Variants in OR10AD1 observed in about 807,000 individuals in gnomAD.
OR10AD1 encodes olfactory receptor family 10 subfamily AD member 1.
For missense variants in OR10AD1, 309 were observed against 192.7 expected, an observed-to-expected ratio of 1.60 and a Z score of -3.57; for synonymous variants, 115 against 72.2, an observed-to-expected ratio of 1.59 and a Z score of -3.00.
Position 48,203,130 on chromosome 12 carries a change from T to TG in OR10AD1, c.162dup (p.Lys55GlnfsTer68), listed in dbSNP as rs1305164964. 1.3e-6 allele frequency: 1 copy of TG among 780,920 alleles called. No homozygotes were observed. Among genetic ancestry groups the TG allele is most frequent in the Non-Finnish European group, 2.4e-6 (1 of 418,088 alleles). 48.4% of individuals were successfully genotyped at this position (780,920 alleles called of 1,614,324 possible). Reference sequence around the variant, plus strand: ...AAGAAGTACATGGGGCTGTTGAGCTTGGGGTCTGTCCAGGAGGTGATAAAG... The same window carrying TG: ...AAGAAGTACATGGGGCTGTTGAGCTTGGGGGTCTGTCCAGGAGGTGATAAAG... On this transcript the variant is annotated frameshift_variant, in exon 1 of 1. Transcript: ENST00000310248. LOFTEE classifies it low-confidence loss of function (END_TRUNC).
rs770959049 is a variant in OR10AD1, at chr12:48,202,702, C to T, written c.591G>A (p.Leu197=). Residue 197 remains leucine (L), a synonymous_variant, in exon 1 of 1, where the codon CTG becomes CTA. Coordinates refer to ENST00000310248, the MANE Select transcript of OR10AD1 (RefSeq NM_001004134.1). ...GLSCGDPQFS[L]WAIFADAIVV... is the part of the protein sequence containing the mutation. ...CGATGGCATCGGCAAAGATTGCCCA[C>T]AGACTAAACTGAGGGTCCCCACAAG... is the stretch of plus-strand genomic sequence containing the variant. 1.3e-6 allele frequency: 1 copy of T among 781,068 alleles called. No individual in the cohort carries two copies. The highest frequency in any genetic ancestry group is 2.4e-6 in the Non-Finnish European group (1 of 418,136). The allele number at this position is 781,068 out of a possible 1,614,324, so 48.4% of individuals were successfully genotyped here. A position where few individuals can be genotyped will look rare whatever the true frequency, so the allele number is the denominator to read the frequency against.
In OR10AD1 at chr12:48,203,066, G is replaced by A. The variant is rs1486844764; in HGVS notation, c.227C>T (p.Thr76Ile). 1 of 780,312 alleles carries A rather than the reference G, an allele frequency of 1.3e-6. No individual in the cohort carries two copies. The highest frequency in any genetic ancestry group is 1.7e-5 in the Admixed American group (1 of 58,948). The allele number at this position is 780,312 out of a possible 1,614,324, so 48.3% of individuals were successfully genotyped here. The part of the protein sequence containing the change: ...HLSLLDVCFI[T>I]TTIPQMLIHL... ...GATCAACATCTGTGGGATGGTAGTGGTGATGAAGCAGACATCCAGGAGAGA... is the reference window on the plus strand; with the variant it reads ...GATCAACATCTGTGGGATGGTAGTGATGATGAAGCAGACATCCAGGAGAGA... Residue 76 changes from threonine (T) to isoleucine (I), a missense_variant, in exon 1 of 1, where the codon ACC (threonine) becomes ATC (isoleucine). Physicochemically the swap from Thr to Ile is moderately conservative, Grantham distance 89. Transcript: ENST00000310248.
At position 48,203,274 on chromosome 12, in the gene OR10AD1, T is replaced by C; in HGVS notation, c.19A>G (p.Ile7Val). Residue 7 changes from isoleucine (I) to valine (V), a missense_variant, in exon 1 of 1, where the codon ATA (isoleucine) becomes GTA (valine). By Grantham distance (29) the Ile-to-Val change is conservative. Coordinates refer to ENST00000310248, the MANE Select transcript of OR10AD1 (RefSeq NM_001004134.1). The part of the protein sequence containing the change: MLRNGS[I>V]VTEFILVGFQ... The stretch of plus-strand genomic sequence containing the variant: ...CCCACGAGGATAAATTCCGTCACTA[T>C]GCTGCCATTCCTTAGCATCTGGGGC... The C allele has an allele frequency of 1.3e-6, 1 of 780,474 alleles. No homozygotes were observed. The highest frequency in any genetic ancestry group is 2.4e-5 in the East Asian group (1 of 41,252). 48.3% of individuals were successfully genotyped at this position (780,474 alleles called of 1,614,324 possible).
chr12:48,202,539 GAAAGATGACCACAGTC>G lies in OR10AD1; in HGVS notation c.738_753del (p.Thr247SerfsTer10), dbSNP rs1453926852. The G allele has an allele frequency of 3.8e-6, 3 of 780,918 alleles. No individual in the cohort carries two copies. Among genetic ancestry groups the G allele is most frequent in the Non-Finnish European group, 7.2e-6 (3 of 418,116 alleles). 48.4% of individuals were successfully genotyped at this position (780,918 alleles called of 1,614,324 possible). A position where few individuals can be genotyped will look rare whatever the true frequency, so the allele number is the denominator to read the frequency against. ...TAAGAGAACATAGCTGAAGTGTAGA[GAAAGATGACCACAGTC>G]AGGTGAGAGGCACAAGTAGAGAAAG... is the stretch of plus-strand genomic sequence containing the variant. On this transcript the variant is annotated frameshift_variant, in exon 1 of 1. Coordinates refer to ENST00000310248, the MANE Select transcript of OR10AD1 (RefSeq NM_001004134.1). LOFTEE classifies it low-confidence loss of function (END_TRUNC).
At position 48,202,714 on chromosome 12, in the gene OR10AD1, A is replaced by C; in HGVS notation, c.579T>G (p.Pro193=). Residue 193 remains proline, a synonymous_variant, in exon 1 of 1, where the codon CCT becomes CCG. Transcript: ENST00000310248. ...PIVIGLSCGD[P]QFSLWAIFAD... Reference sequence around the variant, plus strand: ...CAAAGATTGCCCACAGACTAAACTGAGGGTCCCCACAAGAGAGGCCAATCA... The same window carrying C: ...CAAAGATTGCCCACAGACTAAACTGCGGGTCCCCACAAGAGAGGCCAATCA... The C allele has an allele frequency of 1.3e-6, 1 of 781,062 alleles. No homozygotes were observed. The highest frequency in any genetic ancestry group is 2.4e-6 in the Non-Finnish European group (1 of 418,120). The allele number at this position is 781,062 out of a possible 1,614,324, so 48.4% of individuals were successfully genotyped here. A position where few individuals can be genotyped will look rare whatever the true frequency, so the allele number is the denominator to read the frequency against.
In OR10AD1 at chr12:48,203,197, CAAGAAGAGGGCA is replaced by C; in HGVS notation, c.84_95del (p.Phe28_Phe31del). Reference sequence around the variant, plus strand: ...TGGCCATGGTGAGGCTGTAGAGGGCCAAGAAGAGGGCAAAGAGCAATGCTCGTGTGGAAGTGG... The same window carrying C: ...TGGCCATGGTGAGGCTGTAGAGGGCCAAGAGCAATGCTCGTGTGGAAGTGG... On this transcript the variant is annotated inframe_deletion, in exon 1 of 1. Transcript: ENST00000310248. 1.3e-6 allele frequency: 1 copy of C among 780,990 alleles called. No homozygotes were observed. The highest frequency in any genetic ancestry group is 2.4e-6 in the Non-Finnish European group (1 of 418,116). The allele number at this position is 780,990 out of a possible 1,614,324, so 48.4% of individuals were successfully genotyped here.
In OR10AD1 at chr12:48,203,086, G is replaced by C. The variant is rs778284238; in HGVS notation, c.207C>G (p.Leu69=). 3.9e-6 allele frequency: 3 copies of C among 771,624 alleles called. No homozygotes were observed. Among genetic ancestry groups the C allele is most frequent in the Non-Finnish European group, 7.2e-6 (3 of 414,534 alleles). 47.8% of individuals were successfully genotyped at this position (771,624 alleles called of 1,614,324 possible). ...TAGTGGTGATGAAGCAGACATCCAG[G>C]AGAGACAGATGGCCGAGGAAGAAGT... ...PMYFFLGHLS[L]LDVCFITTTI... is the part of the protein sequence containing the mutation. The change falls in exon 1 of 1, where the codon CTC becomes CTG. Residue 69 remains leucine, a synonymous_variant. Transcript: ENST00000310248.
Position 48,203,201 on chromosome 12 carries a change from A to G in OR10AD1, c.92T>C (p.Phe31Ser). The stretch of plus-strand genomic sequence containing the variant: ...CATGGTGAGGCTGTAGAGGGCCAAG[A>G]AGAGGGCAAAGAGCAATGCTCGTGT... ...TSTRALLFAL[F>S]LALYSLTMAM... is the part of the protein sequence containing the mutation. The change falls in exon 1 of 1, where the codon TTC becomes TCC. Residue 31 changes from phenylalanine to serine, a missense_variant. Physicochemically the swap from Phe to Ser is radical, Grantham distance 155. Coordinates refer to ENST00000310248, the MANE Select transcript of OR10AD1 (RefSeq NM_001004134.1). 1 of 781,088 alleles carries G rather than the reference A, an allele frequency of 1.3e-6. No individual in the cohort carries two copies. The highest frequency in any genetic ancestry group is 1.3e-5 in the South Asian group (1 of 74,622). 48.4% of individuals were successfully genotyped at this position (781,088 alleles called of 1,614,324 possible). A position where few individuals can be genotyped will look rare whatever the true frequency, so the allele number is the denominator to read the frequency against.
Position 48,203,150 on chromosome 12 carries a change from A to T in OR10AD1, c.143T>A (p.Ile48Asn), listed in dbSNP as rs771966194. The change falls in exon 1 of 1, where the codon ATC becomes AAC. Residue 48 changes from isoleucine to asparagine, a missense_variant. Coordinates refer to ENST00000310248, the MANE Select transcript of OR10AD1 (RefSeq NM_001004134.1). ...TMAMNGLIIF[I>N]TSWTDPKLNS... ...GAGCTTGGGGTCTGTCCAGGAGGTG[A>T]TAAAGATGATGAGGCCATTCATGGC... The T allele has an allele frequency of 9.0e-6, 7 of 781,110 alleles. No homozygotes were observed. In the East Asian group the frequency reaches 1.5e-4, roughly 16 times the overall value. 48.4% of individuals were successfully genotyped at this position (781,110 alleles called of 1,614,324 possible).
At position 48,202,910 on chromosome 12, in the gene OR10AD1, C is replaced by T. The variant is rs780207558; in HGVS notation, c.383G>A (p.Cys128Tyr). 5.1e-6 allele frequency: 4 copies of T among 780,878 alleles called. No individual in the cohort carries two copies. In the African/African-American group the frequency reaches 6.8e-5, roughly 13 times the overall value. 48.4% of individuals were successfully genotyped at this position (780,878 alleles called of 1,614,324 possible). Residue 128 changes from cysteine to tyrosine, a missense_variant, in exon 1 of 1, where the codon TGC becomes TAC. Coordinates refer to ENST00000310248, the MANE Select transcript of OR10AD1 (RefSeq NM_001004134.1). ...GATCGGGACATAGTTAAGTGGGTAG[C>T]AGATAGCAACATAACGGTCATAGGC... ...FMAYDRYVAI[C>Y]YPLNYVPIIS... is the part of the protein sequence containing the mutation.
rs75413005 is a variant in OR10AD1, at chr12:48,202,701, A to G, written c.592T>C (p.Trp198Arg). 1 of 781,018 alleles carries G rather than the reference A, an allele frequency of 1.3e-6. No homozygotes were observed. Among genetic ancestry groups the G allele is most frequent in the South Asian group, 1.3e-5 (1 of 74,622 alleles). 48.4% of individuals were successfully genotyped at this position (781,018 alleles called of 1,614,324 possible). A position where few individuals can be genotyped will look rare whatever the true frequency, so the allele number is the denominator to read the frequency against. The change falls in exon 1 of 1, where the codon TGG becomes CGG. Residue 198 changes from tryptophan (W) to arginine (R), a missense_variant. Coordinates refer to ENST00000310248, the MANE Select transcript of OR10AD1 (RefSeq NM_001004134.1). ...ACGATGGCATCGGCAAAGATTGCCC[A>G]CAGACTAAACTGAGGGTCCCCACAA... is the stretch of plus-strand genomic sequence containing the variant. ...LSCGDPQFSLWAIFADAIVVI... is the reference protein window; with the variant it reads ...LSCGDPQFSLRAIFADAIVVI...
rs766956482 is a variant in OR10AD1 at position 48,202,754 on chromosome 12, C to A, written c.539G>T (p.Cys180Phe). 1.3e-6 allele frequency: 1 copy of A among 780,980 alleles called. No homozygotes were observed. The highest frequency in any genetic ancestry group is 1.3e-5 in the South Asian group (1 of 74,612). The allele number at this position is 780,980 out of a possible 1,614,324, so 48.4% of individuals were successfully genotyped here. A position where few individuals can be genotyped will look rare whatever the true frequency, so the allele number is the denominator to read the frequency against. ...GAGGCCAATCACTATGGGGGCCTCACAGAAGAAGCTTTCTATGTGGTTGTC... is the reference window on the plus strand; with the variant it reads ...GAGGCCAATCACTATGGGGGCCTCAAAGAAGAAGCTTTCTATGTGGTTGTC... ...RRDNHIESFF[C>F]EAPIVIGLSC... The change falls in exon 1 of 1, where the codon TGT becomes TTT. Residue 180 changes from cysteine to phenylalanine, a missense_variant. Coordinates refer to ENST00000310248, the MANE Select transcript of OR10AD1 (RefSeq NM_001004134.1).
rs919687336 is a variant in OR10AD1, at chr12:48,202,618, G to A, written c.675C>T (p.Thr225=). 2.6e-6 allele frequency: 2 copies of A among 780,950 alleles called. No individual in the cohort carries two copies. The highest frequency in any genetic ancestry group is 3.4e-5 in the African/African-American group (2 of 59,122). 48.4% of individuals were successfully genotyped at this position (780,950 alleles called of 1,614,324 possible). Reference sequence around the variant, plus strand: ...CTGAGGAGGAGGCTTTGCTGAGGATGGTGGCCAGGATGTGCACATAGGAAG... The same window carrying A: ...CTGAGGAGGAGGCTTTGCTGAGGATAGTGGCCAGGATGTGCACATAGGAAG... ...TVTSYVHILA[T]ILSKASSSGR... Residue 225 remains threonine, a synonymous_variant, in exon 1 of 1, where the codon ACC becomes ACT. Coordinates refer to ENST00000310248, the MANE Select transcript of OR10AD1 (RefSeq NM_001004134.1).
In OR10AD1 at chr12:48,203,288, A is replaced by C; in HGVS notation, c.5T>G (p.Leu2Arg). ...TTCCGTCACTATGCTGCCATTCCTT[A>C]GCATCTGGGGCCTGTTTGAGGAGGA... M[L>R]RNGSIVTEFI... Residue 2 changes from leucine (L) to arginine (R), a missense_variant, in exon 1 of 1, where the codon CTA (leucine) becomes CGA (arginine). By Grantham distance (102) the Leu-to-Arg change is moderately radical. Coordinates refer to ENST00000310248, the MANE Select transcript of OR10AD1 (RefSeq NM_001004134.1). 1 of 779,156 alleles carries C rather than the reference A, an allele frequency of 1.3e-6. No individual in the cohort carries two copies. 48.3% of individuals were successfully genotyped at this position (779,156 alleles called of 1,614,324 possible).
Position 48,203,095 on chromosome 12 carries a change from A to G in OR10AD1, c.198T>C (p.His66=). The stretch of plus-strand genomic sequence containing the variant: ...TGAAGCAGACATCCAGGAGAGACAG[A>G]TGGCCGAGGAAGAAGTACATGGGGC... ...LNSPMYFFLG[H]LSLLDVCFIT... Residue 66 remains histidine, a synonymous_variant, in exon 1 of 1, where the codon CAT becomes CAC. Transcript: ENST00000310248. The G allele has an allele frequency of 1.3e-6, 1 of 779,122 alleles. No individual in the cohort carries two copies. Among genetic ancestry groups the G allele is most frequent in the Non-Finnish European group, 2.4e-6 (1 of 417,318 alleles). The allele number at this position is 779,122 out of a possible 1,614,324, so 48.3% of individuals were successfully genotyped here.
rs1323247034 is a variant in OR10AD1, at chr12:48,202,747, G to T, written c.546C>A (p.Ala182=). The T allele has an allele frequency of 3.8e-6, 3 of 780,864 alleles. No homozygotes were observed. In the African/African-American group the frequency reaches 5.1e-5, roughly 13 times the overall value. 48.4% of individuals were successfully genotyped at this position (780,864 alleles called of 1,614,324 possible). A position where few individuals can be genotyped will look rare whatever the true frequency, so the allele number is the denominator to read the frequency against. The part of the protein sequence containing the change: ...DNHIESFFCE[A]PIVIGLSCGD... ...CACAAGAGAGGCCAATCACTATGGG[G>T]GCCTCACAGAAGAAGCTTTCTATGT... The change falls in exon 1 of 1, where the codon GCC becomes GCA. Residue 182 remains alanine (A), a synonymous_variant. Transcript: ENST00000310248.
chr12:48,203,138 G>C lies in OR10AD1; in HGVS notation c.155C>G (p.Thr52Arg), dbSNP rs1281063863. Residue 52 changes from threonine (T) to arginine (R), a missense_variant, in exon 1 of 1, where the codon ACA becomes AGA. Physicochemically the swap from Thr to Arg is moderately conservative, Grantham distance 71. Transcript: ENST00000310248. The stretch of plus-strand genomic sequence containing the variant: ...CATGGGGCTGTTGAGCTTGGGGTCT[G>C]TCCAGGAGGTGATAAAGATGATGAG... ...NGLIIFITSW[T>R]DPKLNSPMYF... is the part of the protein sequence containing the mutation. The C allele has an allele frequency of 1.3e-6, 1 of 781,086 alleles. No homozygotes were observed. The highest frequency in any genetic ancestry group is 2.4e-6 in the Non-Finnish European group (1 of 418,130). The allele number at this position is 781,086 out of a possible 1,614,324, so 48.4% of individuals were successfully genotyped here. A position where few individuals can be genotyped will look rare whatever the true frequency, so the allele number is the denominator to read the frequency against.
Position 48,202,640 on chromosome 12 carries a change from G to C in OR10AD1, c.653C>G (p.Ser218Cys). The C allele has an allele frequency of 1.3e-6, 1 of 780,926 alleles. No individual in the cohort carries two copies. The highest frequency in any genetic ancestry group is 2.4e-5 in the East Asian group (1 of 41,258). 48.4% of individuals were successfully genotyped at this position (780,926 alleles called of 1,614,324 possible). Residue 218 changes from serine (S) to cysteine (C), a missense_variant, in exon 1 of 1, where the codon TCC (serine) becomes TGC (cysteine). Ser to Cys is a moderately radical substitution (Grantham distance 112, BLOSUM62 -1). Transcript: ENST00000310248. ...GATGGTGGCCAGGATGTGCACATAG[G>C]AAGTGACAGTGAGCACCATGGGGCT... Reference protein sequence around the residue: ...ILSPMVLTVTSYVHILATILS... With the variant: ...ILSPMVLTVTCYVHILATILS...
In OR10AD1 at chr12:48,202,911, A is replaced by G. The variant is rs749532369; in HGVS notation, c.382T>C (p.Cys128Arg). ...FMAYDRYVAI[C>R]YPLNYVPIIS... Reference sequence around the variant, plus strand: ...ATCGGGACATAGTTAAGTGGGTAGCAGATAGCAACATAACGGTCATAGGCC... The same window carrying G: ...ATCGGGACATAGTTAAGTGGGTAGCGGATAGCAACATAACGGTCATAGGCC... Residue 128 changes from cysteine to arginine, a missense_variant, in exon 1 of 1, where the codon TGC (cysteine) becomes CGC (arginine). Coordinates refer to ENST00000310248, the MANE Select transcript of OR10AD1 (RefSeq NM_001004134.1). 1 of 781,070 alleles carries G rather than the reference A, an allele frequency of 1.3e-6. No individual in the cohort carries two copies. Among genetic ancestry groups the G allele is most frequent in the South Asian group, 1.3e-5 (1 of 74,612 alleles). 48.4% of individuals were successfully genotyped at this position (781,070 alleles called of 1,614,324 possible). A position where few individuals can be genotyped will look rare whatever the true frequency, so the allele number is the denominator to read the frequency against.
Sources: allele counts gnomAD v4.1 joint callset, GRCh38; gene constraint gnomAD v4.1.1; transcripts MANE v1.5; gene names NCBI Gene and HGNC (gene_info 2026-07-23, HGNC 2026-07-21).